Variants in LYPD6B observed in about 807,000 individuals in gnomAD.
LYPD6B encodes the protein ly6/PLAUR domain-containing protein 6B.
In LYPD6B, 17 loss-of-function variants were observed where a neutral mutation model predicts 22.8. The ratio of observed to expected loss-of-function variants is 0.75; its 90% CI spans 0.51 to 1.12. The LOEUF is 1.12. Among genes scored for constraint, LYPD6B ranks in the 50% most tolerant of loss-of-function variants. The pLI is 0.00. For synonymous variants in LYPD6B, 106 were observed against 91.6 expected (o/e 1.16, Z -0.90); for missense variants, 221 against 258.3 (o/e 0.86, Z 0.99).
Position 149,093,365 on chromosome 2 carries a change from G to A in LYPD6B, c.-66-37518G>A, listed in dbSNP as rs372907085. Among the ~76,000 whole-genome samples the A allele has an allele frequency of 2.6e-5, 4 of 152,246 alleles. No homozygotes were observed. The East Asian group carries it at 7.7e-4, about 29-fold the overall frequency. On this transcript the variant is annotated intron_variant, in intron 1 of 6. Transcript: ENST00000409642. ...GGTGCTGGAGCCAGGGCAGGAATAGGCCCTGGTCTAAAGGGACCCCACAAT... is the reference window on the plus strand; with the variant it reads ...GGTGCTGGAGCCAGGGCAGGAATAGACCCTGGTCTAAAGGGACCCCACAAT...
Position 149,084,120 on chromosome 2 carries a change from A to AAAAT in LYPD6B, c.-67+45322_-67+45323insTAAA, listed in dbSNP as rs574557351. On this transcript the variant is annotated intron_variant, in intron 1 of 6. Coordinates refer to ENST00000409642, the MANE Select transcript of LYPD6B (RefSeq NM_177964.5). ...TCTCAAAAATAAAATAAAATAAAAT[A>AAAAT]AAACACTTTTAATTGCAGTTAGTAA... Among the ~76,000 whole-genome samples the AAAAT allele has an allele frequency of 3.9e-3, 588 of 152,166 alleles. 3 individuals carry two copies. The highest frequency in any genetic ancestry group is 0.014 in the African/African-American group (575 of 41,530).
In LYPD6B at chr2:149,213,044, A is replaced by G. The variant is rs1693973949; in HGVS notation, c.381A>G (p.Thr127=). 6.2e-7 allele frequency: 1 copy of G among 1,614,000 alleles called. No individual in the cohort carries two copies. Residue 127 remains threonine (T), a synonymous_variant, in exon 6 of 7, where the codon ACA becomes ACG. Coordinates refer to ENST00000409642, the MANE Select transcript of LYPD6B (RefSeq NM_177964.5). Reference sequence around the variant, plus strand: ...ACTTCACCAGCCACGGAAGAAGCACATCCATCACCAAAAAGTGTGCCTCCA... The same window carrying G: ...ACTTCACCAGCCACGGAAGAAGCACGTCCATCACCAAAAAGTGTGCCTCCA... The part of the protein sequence containing the change: ...VHHFTSHGRS[T]SITKKCASRS...
At chr2:149,160,383 A>G (rs1190840251) in intron 2 of LYPD6B, 2 of 457,922 alleles carry the variant, frequency 4.4e-6, no homozygotes, top group East Asian at 1.4e-4. Context: ...GAATGTGTGA[A>G]TGCTACGGCC....
intron 1 of LYPD6B, among the ~76,000 whole-genome samples, chr2:149,082,709 G>A (rs1012721568): frequency 6.6e-6 from 1 of 152,174 alleles, no homozygotes; most frequent in Admixed American, 6.5e-5. Flanking sequence ...CATGTAATGA[G>A]TACTGAAGAA....
chr2:149,175,061 C>CTCTCTGTGTGTGTGTGTGTGTGTG (rs1454802925), intron 3 of LYPD6B, among the ~76,000 whole-genome samples: 1 of 113,002 alleles, frequency 8.8e-6, no homozygotes, highest in African/African-American at 3.2e-5. Flanking sequence ...CTCTCTCTCT[C>CTCTCTGTGTGTGTGTGTGTGTGTG]TGTGTGTGTG....
intron 1 of LYPD6B, among the ~76,000 whole-genome samples, chr2:149,081,848 T>G (rs1195577684): frequency 6.6e-6 from 1 of 152,236 alleles, no homozygotes; most frequent in Non-Finnish European, 1.5e-5. Flanking sequence ...TACTTTTTAG[T>G]GTCTGACTTC....
rs757535104 is a variant in LYPD6B at position 149,073,136 on chromosome 2, G to A, written c.-67+34335G>A. On this transcript the variant is annotated intron_variant, in intron 1 of 6. Transcript: ENST00000409642. ...TGATGATAATGGTGAGGTAGGCAGA[G>A]CTGTTTAGAGTTTTTTGAGTAGAAT... Among the ~76,000 whole-genome samples, 4 of 152,328 alleles carry A rather than the reference G, an allele frequency of 2.6e-5. No individual in the cohort carries two copies. The South Asian group carries it at 8.3e-4, about 32-fold the overall frequency.
intron 3 of LYPD6B, among the ~76,000 whole-genome samples, chr2:149,193,223 C>A (rs1166531900): frequency 6.6e-6 from 1 of 152,116 alleles, no homozygotes; most frequent in Non-Finnish European, 1.5e-5. Flanking sequence ...TCTCTGCATT[C>A]ATTAATAATA....
chr2:149,075,455 T>A (rs536225832), intron 1 of LYPD6B, among the ~76,000 whole-genome samples: 1 of 152,330 alleles, frequency 6.6e-6, no homozygotes, highest in Non-Finnish European at 1.5e-5. Context: ...TTAATGTGTA[T>A]GTTTGCATTA....
chr2:149,111,425 T>C lies in LYPD6B; in HGVS notation c.-66-19458T>C, dbSNP rs139753985. 7.1e-3 allele frequency among the ~76,000 whole-genome samples: 1,080 copies of C among 152,164 alleles called. 16 individuals are homozygous for C. The highest frequency in any genetic ancestry group is 0.025 in the African/African-American group (1,028 of 41,504). ...TGAAAAATCAGTCTGATTTGGGATA[T>C]ATTTAGAAGTTAGAGCTAGCAGCAT... is the stretch of plus-strand genomic sequence containing the variant. On this transcript the variant is annotated intron_variant, in intron 1 of 6. Transcript: ENST00000409642.
intron 2 of LYPD6B, among the ~76,000 whole-genome samples, chr2:149,148,736 C>T (rs926445397): frequency 6.6e-6 from 1 of 152,158 alleles, no homozygotes; most frequent in African/African-American, 2.4e-5. Context: ...TCTCTGTGCC[C>T]TCTAGATTGC....
chr2:149,040,915 C>T (rs1683051426), intron 1 of LYPD6B, among the ~76,000 whole-genome samples: 1 of 152,196 alleles, frequency 6.6e-6, no homozygotes, highest in Non-Finnish European at 1.5e-5. Flanking sequence ...GCCAGGGCCT[C>T]TGCCAAGGGC....
In LYPD6B at chr2:149,098,643, A is replaced by AAAAAAAAAAAAAAAAGAAAG. The variant is rs57783804; in HGVS notation, c.-66-32234_-66-32233insAAAAAAAAAGAAAGAAAAAA. On this transcript the variant is annotated intron_variant, in intron 1 of 6. Coordinates refer to ENST00000409642, the MANE Select transcript of LYPD6B (RefSeq NM_177964.5). ...ACTCTGTCTCAAAAAAAAAAAAAAA[A>AAAAAAAAAAAAAAAAGAAAG]AAAAAAGAAAAAAATGGCTTTGGTT... Among the ~76,000 whole-genome samples, 53 of 130,906 alleles carry AAAAAAAAAAAAAAAAGAAAG rather than the reference A, an allele frequency of 4.0e-4. 1 individual carries two copies. Among genetic ancestry groups the AAAAAAAAAAAAAAAAGAAAG allele is most frequent in the Non-Finnish European group, 5.0e-4 (32 of 63,502 alleles). The allele number at this position is 130,906 out of a possible 152,430, so 85.9% of individuals were successfully genotyped here.
chr2:149,188,600 C>T, intron 3 of LYPD6B: 1 of 492,364 alleles, frequency 2.0e-6, no homozygotes, highest in Non-Finnish European at 2.6e-6. Flanking sequence ...ATGTAAATCA[C>T]TCAACACCCA....
chr2:149,159,729 G>A (rs1689932128), intron 2 of LYPD6B, among the ~76,000 whole-genome samples: 1 of 151,902 alleles, frequency 6.6e-6, no homozygotes, highest in African/African-American at 2.4e-5. Flanking sequence ...AGGCTACCAG[G>A]TTGGAGATCC....
intron 1 of LYPD6B, among the ~76,000 whole-genome samples, chr2:149,081,471 A>G (rs1037511804): frequency 6.6e-6 from 1 of 152,186 alleles, no homozygotes; most frequent in Non-Finnish European, 1.5e-5. Flanking sequence ...TAATCTAGAT[A>G]TTACTGATAT....
chr2:149,150,755 T>C (rs1040897498), intron 2 of LYPD6B, among the ~76,000 whole-genome samples: 4 of 152,210 alleles, frequency 2.6e-5, no homozygotes, highest in African/African-American at 9.6e-5. Context: ...ATTTATTTGA[T>C]TATTTCTTTC....
chr2:149,122,671 A>G (rs956483674), intron 1 of LYPD6B, among the ~76,000 whole-genome samples: 2 of 145,212 alleles, frequency 1.4e-5, no homozygotes, highest in African/African-American at 5.1e-5. Context: ...CATGTTTCTC[A>G]TTTCAGTACA....
intron 1 of LYPD6B, among the ~76,000 whole-genome samples, chr2:149,091,981 C>A (rs1685673491): frequency 7.2e-6 from 1 of 139,832 alleles, no homozygotes; most frequent in East Asian, 2.5e-4. Context: ...TTCTTGTGAA[C>A]AACTGTGTTG....
Sources: gnomAD v4.1 joint callset for allele counts (sites outside exome capture counted in the v4.1 genomes callset) on GRCh38, gnomAD v4.1.1 for gene constraint, MANE v1.5 for transcripts, NCBI Gene and HGNC (gene_info 2026-07-23, HGNC 2026-07-21) for gene names.